Variants in CABIN1 observed in about 807,000 individuals in gnomAD.
The protein encoded by CABIN1 is calcineurin-binding protein cabin-1.
CABIN1 carries 133 observed loss-of-function variants against 227.7 expected under a neutral mutation model. The ratio of observed to expected loss-of-function variants is 0.58; its 90% CI spans 0.51 to 0.67. The LOEUF (loss-of-function observed/expected upper bound fraction) is 0.67, where lower values mean the gene tolerates loss of function less well. Among genes scored for constraint, CABIN1 ranks in the 30% least tolerant of loss-of-function variants. CABIN1 has a pLI of 0.00. For synonymous variants in CABIN1, 1,086 were observed against 1,155.1 expected, an observed-to-expected ratio of 0.94 and a Z score of 1.21; for missense variants, 2,408 against 2,852.5, an observed-to-expected ratio of 0.84 and a Z score of 3.55.
intron 1 of CABIN1, among the ~76,000 whole-genome samples, chr22:24,028,785 A>G (rs2036281524): frequency 6.6e-6 from 1 of 151,916 alleles, no homozygotes; most frequent in Non-Finnish European, 1.5e-5. Flanking sequence ...TCTAGAAACC[A>G]CTCATGTACT....
intron 29 of CABIN1, among the ~76,000 whole-genome samples, chr22:24,152,220 C>A (rs1029145058): frequency 1.3e-5 from 2 of 152,256 alleles, no homozygotes; most frequent in African/African-American, 4.8e-5. Context: ...TTTCTGTCTT[C>A]CTCATCTCTG....
At chr22:24,020,597 T>C (rs73399666) in intron 1 of CABIN1, among the ~76,000 whole-genome samples, 3,148 of 152,300 alleles carry the variant, frequency 0.021, 130 homozygotes, top group African/African-American at 0.07. Flanking sequence ...ATTACAGTCA[T>C]GAGCCACCAT....
At chr22:24,076,036 AGGG>A in intron 18 of CABIN1, 130 bp from the exon 19 acceptor site, 1 of 639,886 alleles carries the variant, frequency 1.6e-6, no homozygotes, top group Admixed American at 2.8e-5. Context: ...AAAAAAAAAA[AGGG>A]AAAGGAAAAG....
At chr22:24,083,467 C>G in intron 20 of CABIN1, 78 bp downstream of exon 20, 2 of 1,524,424 alleles carry the variant, frequency 1.3e-6, no homozygotes, top group South Asian at 2.3e-5. Flanking sequence ...TATTTGTCAA[C>G]AGTCATCTTG....
chr22:24,115,310 GC>G (rs1436804563), intron 27 of CABIN1, among the ~76,000 whole-genome samples: 1 of 152,136 alleles, frequency 6.6e-6, no homozygotes, highest in Non-Finnish European at 1.5e-5. Flanking sequence ...GCCTATACAG[GC>G]CCTTCTAGAC....
intron 23 of CABIN1, 112 bp downstream of exon 23, chr22:24,087,825 C>A: frequency 7.2e-7 from 1 of 1,380,336 alleles, no homozygotes; most frequent in Non-Finnish European, 1.0e-6. Flanking sequence ...CACATCCATG[C>A]TGGGAGCTCA....
intron 18 of CABIN1, among the ~76,000 whole-genome samples, chr22:24,074,980 G>A (rs541061652): frequency 5.3e-5 from 8 of 152,272 alleles, no homozygotes; most frequent in Admixed American, 1.3e-4. Context: ...ATTACATGGG[G>A]CCAGGAGTTT....
intron 1 of CABIN1, among the ~76,000 whole-genome samples, chr22:24,026,841 T>C (rs1601671587): frequency 1.3e-5 from 2 of 152,328 alleles, no homozygotes; most frequent in South Asian, 4.1e-4. Context: ...ATTACTATTC[T>C]TTTCAAAACT....
At chr22:24,068,452 T>A (rs1370471883) in intron 16 of CABIN1, among the ~76,000 whole-genome samples, 2 of 152,216 alleles carry the variant, frequency 1.3e-5, no homozygotes, top group African/African-American at 4.8e-5. Context: ...TTGCTCTTAT[T>A]GTCTTCTAGA....
chr22:24,117,250 T>C (rs1332791226), intron 27 of CABIN1, among the ~76,000 whole-genome samples: 1 of 152,214 alleles, frequency 6.6e-6, no homozygotes, highest in East Asian at 1.9e-4. Flanking sequence ...TTACCCATGC[T>C]GGAATGCAGT....
chr22:24,023,952 C>T (rs911663644), intron 1 of CABIN1, among the ~76,000 whole-genome samples: 4 of 152,004 alleles, frequency 2.6e-5, no homozygotes, highest in East Asian at 1.9e-4. Context: ...AGGCTGGTCT[C>T]GAACTTCTGG....
At chr22:24,163,644 T>C (rs767452563) in intron 29 of CABIN1, among the ~76,000 whole-genome samples, 1 of 152,172 alleles carries the variant, frequency 6.6e-6, no homozygotes, top group East Asian at 1.9e-4. Flanking sequence ...AATGCCTGTT[T>C]CCTCATCACT....
intron 26 of CABIN1, among the ~76,000 whole-genome samples, chr22:24,108,031 C>T (rs879421264): frequency 2.6e-5 from 4 of 152,248 alleles, no homozygotes; most frequent in African/African-American, 4.8e-5. Context: ...CATCGGTGTT[C>T]TCACTGTCAG....
intron 1 of CABIN1, among the ~76,000 whole-genome samples, chr22:24,028,296 A>G (rs575475673): frequency 3.3e-5 from 5 of 152,354 alleles, no homozygotes; most frequent in East Asian, 3.9e-4. Flanking sequence ...GTGAAGCTCA[A>G]TAAAGTAAAG....
At chr22:24,137,355 G>T (rs2044485248) in intron 29 of CABIN1, among the ~76,000 whole-genome samples, 1 of 152,174 alleles carries the variant, frequency 6.6e-6, no homozygotes, top group Non-Finnish European at 1.5e-5. Flanking sequence ...TTTCCCACTG[G>T]GCTCACTCCC....
intron 17 of CABIN1, 167 bp downstream of exon 17, chr22:24,071,209 G>T: frequency 3.4e-6 from 3 of 878,574 alleles, no homozygotes; most frequent in Non-Finnish European, 5.4e-6. Flanking sequence ...TTGTGCGCAG[G>T]CTGCAAACCT....
chr22:24,163,493 C>A (rs1050189120), intron 29 of CABIN1, among the ~76,000 whole-genome samples: 2 of 152,148 alleles, frequency 1.3e-5, no homozygotes, highest in African/African-American at 4.8e-5. Flanking sequence ...AGGCCCCATG[C>A]CAAGGAGAAA....
intron 6 of CABIN1, among the ~76,000 whole-genome samples, chr22:24,048,781 T>G: frequency 6.6e-6 from 1 of 152,184 alleles, no homozygotes; most frequent in East Asian, 1.9e-4. Flanking sequence ...TGAGCCCTGT[T>G]GGATTTTTGC....
At chr22:24,166,509 G>T (rs2046455139) in intron 31 of CABIN1, 130 bp from the exon 32 acceptor site, 4 of 1,133,792 alleles carry the variant, frequency 3.5e-6, no homozygotes, top group African/African-American at 3.0e-5. Flanking sequence ...GCCCTGGCCA[G>T]CTGGCAGATG....
Sources: gnomAD v4.1 joint callset for allele counts (sites outside exome capture counted in the v4.1 genomes callset) on GRCh38, gnomAD v4.1.1 for gene constraint, MANE v1.5 for transcripts, NCBI Gene and HGNC (gene_info 2026-07-23, HGNC 2026-07-21) for gene names.